The following NSD1 variants were observed in gnomAD, a reference collection of about 807,000 sequenced individuals.
NSD1 encodes the protein histone-lysine N-methyltransferase, H3 lysine-36 specific.
A neutral mutation model predicts 242.7 loss-of-function variants in NSD1; 26 were observed. The ratio of observed to expected loss-of-function variants is 0.11; its 90% confidence interval spans 0.08 to 0.15. The LOEUF is 0.15. NSD1 is among the 10% of genes least tolerant of loss of function. The pLI, the probability that NSD1 is intolerant of heterozygous loss-of-function variation, is 1.00. For synonymous variants in NSD1, 1,106 were observed against 1,178.1 expected, an observed-to-expected ratio of 0.94 and a Z score of 1.25; for missense variants, 2,495 against 3,272.8, an observed-to-expected ratio of 0.76 and a Z score of 5.80.
chr5:177,198,472 G>T (rs1469501249), intron 3 of NSD1, among the ~76,000 whole-genome samples: 1 of 151,978 alleles, frequency 6.6e-6, no homozygotes, highest in Non-Finnish European at 1.5e-5. Context: ...TACTCACTGT[G>T]GCATCTTCTT....
chr5:177,267,568 G>A lies in NSD1; in HGVS notation c.5153G>A (p.Ser1718Asn). ...SWCFVCSEGGSLLCCDSCPAA... is the reference protein window; with the variant it reads ...SWCFVCSEGGNLLCCDSCPAA... ...CATTTTTTTATTCCCACAGGAGGCA[G>A]CCTTCTGTGCTGTGATTCTTGCCCT... The change falls in exon 15 of 23, where the codon AGC becomes AAC. Residue 1718 changes from serine to asparagine, a missense_variant. Ser to Asn is a conservative substitution (Grantham distance 46, BLOSUM62 1). Coordinates refer to ENST00000439151, the MANE Select transcript of NSD1 (RefSeq NM_022455.5). 6.2e-7 allele frequency: 1 copy of A among 1,614,072 alleles called. No homozygotes were observed.
rs773591859 is a variant in NSD1 at position 177,210,696 on chromosome 5, C to T, written c.2297C>T (p.Ser766Leu). ...NLSSSISSEN[S>L]LIKGGAANQA... is the part of the protein sequence containing the mutation. ...TCATCAAGCATATCCAGTGAGAACT[C>T]GTTAATAAAGGGTGGGGCAGCAAAT... Residue 766 changes from serine (S) to leucine (L), a missense_variant, in exon 5 of 23, where the codon TCG becomes TTG. By Grantham distance (145) the Ser-to-Leu change is moderately radical. This residue lies in a region of NSD1 where 515 missense variants were observed against 467.0 expected (regional missense o/e 1.10). Coordinates refer to ENST00000439151, the MANE Select transcript of NSD1 (RefSeq NM_022455.5). 2.9e-5 allele frequency: 46 copies of T among 1,614,010 alleles called. No homozygotes were observed. Among genetic ancestry groups the T allele is most frequent in the Non-Finnish European group, 3.8e-5 (45 of 1,180,034 alleles).
At chr5:177,207,619 T>A (rs1456473274) in intron 4 of NSD1, among the ~76,000 whole-genome samples, 1 of 145,984 alleles carries the variant, frequency 6.9e-6, no homozygotes, top group Non-Finnish European at 1.5e-5. Flanking sequence ...TTTTTTTTTT[T>A]TTTAGAGAAG....
chr5:177,253,487 G>GT (rs1756171398), intron 12 of NSD1, among the ~76,000 whole-genome samples: 1 of 152,098 alleles, frequency 6.6e-6, no homozygotes, highest in African/African-American at 2.4e-5. Context: ...GTAGTTTGTT[G>GT]TATGGATTTA....
At position 177,205,341 on chromosome 5, in the gene NSD1, C is replaced by T. The variant is rs564213017; in HGVS notation, c.1236+1049C>T. Among the ~76,000 whole-genome samples the T allele has an allele frequency of 1.5e-4, 23 of 152,096 alleles. No homozygotes were observed. The South Asian group carries it at 4.2e-3, about 27-fold the overall frequency. On this transcript the variant is annotated intron_variant, in intron 4 of 22. Transcript: ENST00000439151. ...GTGAGCCACTGCGCCCACTGAGAACCATAAAGTTTTTAATAATTTTCTTTT... is the reference window on the plus strand; with the variant it reads ...GTGAGCCACTGCGCCCACTGAGAACTATAAAGTTTTTAATAATTTTCTTTT...
intron 2 of NSD1, among the ~76,000 whole-genome samples, chr5:177,149,288 G>A (rs1028198112): frequency 3.1e-4 from 47 of 151,520 alleles, no homozygotes; most frequent in East Asian, 1.9e-4. Context: ...ATGCCATCTC[G>A]GTTCACTGCA....
chr5:177,201,572 T>G (rs1235174057), intron 3 of NSD1, among the ~76,000 whole-genome samples: 3 of 150,880 alleles, frequency 2.0e-5, no homozygotes, highest in Non-Finnish European at 4.4e-5. Flanking sequence ...CTTTTTTTTT[T>G]TTTTTTGAGA....
chr5:177,265,352 A>T (rs947720116), intron 14 of NSD1: 3 of 597,524 alleles, frequency 5.0e-6, no homozygotes, highest in South Asian at 2.0e-5. Context: ...TATAGTAAGA[A>T]TTTTTTTTGT....
chr5:177,193,080 G>T (rs1761829364), intron 3 of NSD1, among the ~76,000 whole-genome samples: 1 of 152,178 alleles, frequency 6.6e-6, no homozygotes, highest in Admixed American at 6.5e-5. Context: ...TGTTGTGTTT[G>T]AATCTTAGGT....
rs1242031731 is a variant in NSD1 at position 177,296,453 on chromosome 5, A to C, written c.*994A>C. On this transcript the variant is annotated 3_prime_UTR_variant, in exon 23 of 23. Coordinates refer to ENST00000439151, the MANE Select transcript of NSD1 (RefSeq NM_022455.5). The stretch of plus-strand genomic sequence containing the variant: ...GATTTCAGAGCCTCGGGCAGTGGAC[A>C]TAGGGAATCTCTGGCAAGCTCTGAG... 1 of 233,206 alleles carries C rather than the reference A, an allele frequency of 4.3e-6. No individual in the cohort carries two copies. Among genetic ancestry groups the C allele is most frequent in the East Asian group, 6.0e-5 (1 of 16,606 alleles). 14.4% of individuals were successfully genotyped at this position (233,206 alleles called of 1,614,324 possible).
At chr5:177,173,334 C>G (rs945610984) in intron 2 of NSD1, among the ~76,000 whole-genome samples, 2 of 150,746 alleles carry the variant, frequency 1.3e-5, no homozygotes, top group Non-Finnish European at 3.0e-5. Context: ...ATTAAAACTT[C>G]AGTAACTACA....
intron 5 of NSD1, among the ~76,000 whole-genome samples, chr5:177,223,037 C>A (rs948719373): frequency 6.7e-6 from 1 of 150,374 alleles, no homozygotes; most frequent in Non-Finnish European, 1.5e-5. Context: ...TATTTTGCTG[C>A]ATGTGGGTGT....
chr5:177,200,393 C>G (rs1762426709), intron 3 of NSD1, among the ~76,000 whole-genome samples: 1 of 152,126 alleles, frequency 6.6e-6, no homozygotes. Flanking sequence ...CCTCAGCCTC[C>G]CAAGGTGCTG....
intron 14 of NSD1, among the ~76,000 whole-genome samples, chr5:177,263,906 G>A (rs1757192100): frequency 6.6e-6 from 1 of 151,884 alleles, no homozygotes; most frequent in East Asian, 1.9e-4. Context: ...ACTATTGTCT[G>A]CTACCTTCAG....
At chr5:177,168,811 T>G (rs1235971686) in intron 2 of NSD1, among the ~76,000 whole-genome samples, 1 of 152,120 alleles carries the variant, frequency 6.6e-6, no homozygotes, top group Non-Finnish European at 1.5e-5. Flanking sequence ...ATTTGATGAG[T>G]CTTGGAAAGC....
rs569036035 is a variant in NSD1 at position 177,195,438 on chromosome 5, C to T, written c.1063+3419C>T. On this transcript the variant is annotated intron_variant, in intron 3 of 22. Transcript: ENST00000439151. Reference sequence around the variant, plus strand: ...TCCCTGTCCCTATGACTGCTGGTTTCTTACTCATTAGGGTGTCTCTCTCTC... The same window carrying T: ...TCCCTGTCCCTATGACTGCTGGTTTTTTACTCATTAGGGTGTCTCTCTCTC... Among the ~76,000 whole-genome samples the T allele has an allele frequency of 1.6e-3, 241 of 151,926 alleles. 1 individual carries two copies. The highest frequency in any genetic ancestry group is 3.4e-3 in the Middle Eastern group (1 of 294).
intron 2 of NSD1, among the ~76,000 whole-genome samples, chr5:177,178,918 A>T (rs1760430038): frequency 6.6e-6 from 1 of 152,160 alleles, no homozygotes; most frequent in East Asian, 1.9e-4. Context: ...AAGTGCAGTA[A>T]AAAGAGGTAT....
intron 9 of NSD1, among the ~76,000 whole-genome samples, chr5:177,245,614 G>C (rs925569335): frequency 1.3e-5 from 2 of 151,750 alleles, no homozygotes; most frequent in Non-Finnish European, 2.9e-5. Context: ...GTGCAGGAGG[G>C]ACTAGAAGAA....
chr5:177,195,475 G>A (rs974940269), intron 3 of NSD1, among the ~76,000 whole-genome samples: 4 of 150,018 alleles, frequency 2.7e-5, no homozygotes, highest in Admixed American at 1.3e-4. Flanking sequence ...CTCTCTCCTC[G>A]TCTCTCTTTT....
Sources: allele counts gnomAD v4.1 joint callset (sites outside exome capture counted in the v4.1 genomes callset), GRCh38; gene constraint gnomAD v4.1.1; regional missense constraint gnomAD v4.1.1; transcripts MANE v1.5; gene names NCBI Gene and HGNC (gene_info 2026-07-23, HGNC 2026-07-21).